The following ROBO2 variants were observed in gnomAD, a reference collection of about 807,000 sequenced individuals.
ROBO2 encodes roundabout guidance receptor 2.
ROBO2 carries 53 observed loss-of-function variants against 160.8 expected under a neutral mutation model. The ratio of observed to expected loss-of-function variants is 0.33; its 90% CI spans 0.26 to 0.41. The LOEUF is 0.41. Ranked by LOEUF, ROBO2 falls within the 10% of genes least tolerant of loss-of-function variation. The pLI is 1.00. For missense variants in ROBO2, 1,577 were observed against 1,722.4 expected (o/e 0.92, Z 1.49); for synonymous variants, 664 against 611.7 (o/e 1.09, Z -1.26).
At chr3:76,545,222 G>A (rs1198519896) in intron 2 of ROBO2, among the ~76,000 whole-genome samples, 1 of 151,910 alleles carries the variant, frequency 6.6e-6, no homozygotes. Context: ...TAAGCAATAC[G>A]TGTACAGTTT....
chr3:77,160,352 G>GT (rs2078376117), intron 2 of ROBO2, among the ~76,000 whole-genome samples: 1 of 151,946 alleles, frequency 6.6e-6, no homozygotes, highest in Admixed American at 6.6e-5. Flanking sequence ...ATTTTATAAA[G>GT]TTTTTTTGGA....
intron 2 of ROBO2, among the ~76,000 whole-genome samples, chr3:77,013,881 C>T (rs2062065386): frequency 1.3e-5 from 2 of 152,178 alleles, no homozygotes; most frequent in Non-Finnish European, 2.9e-5. Flanking sequence ...TGTTAACTTC[C>T]TTTTAGTGAG....
chr3:75,960,006 G>A (rs1948854241), intron 2 of ROBO2, among the ~76,000 whole-genome samples: 1 of 151,792 alleles, frequency 6.6e-6, no homozygotes, highest in African/African-American at 2.4e-5. Flanking sequence ...TTGCAGTAGA[G>A]AAAGAGTTTA....
chr3:76,386,784 C>T (rs913570140), intron 2 of ROBO2, among the ~76,000 whole-genome samples: 7 of 152,048 alleles, frequency 4.6e-5, no homozygotes, highest in Non-Finnish European at 1.0e-4. Flanking sequence ...TTCTCAAATG[C>T]TTTGCAAGTT....
In ROBO2 at chr3:77,602,652, A is replaced by ACCACCACCG. The variant is rs1215725027; in HGVS notation, c.3136+170_3136+178dup. On this transcript the variant is annotated intron_variant, in intron 20 of 25. Coordinates refer to ENST00000461745, the Ensembl canonical transcript of ROBO2. ...TCCAGTAACTTGAGTAATTCCTACC[A>ACCACCACCG]CCACCACCGCCACCACCACCACCAC... 14 of 820,270 alleles carry ACCACCACCG rather than the reference A, an allele frequency of 1.7e-5. 1 individual carries two copies. The highest frequency in any genetic ancestry group is 1.5e-4 in the African/African-American group (9 of 58,494). The allele number at this position is 820,270 out of a possible 1,614,324, so 50.8% of individuals were successfully genotyped here.
intron 1 of ROBO2, among the ~76,000 whole-genome samples, chr3:75,927,027 T>C (rs1468838866): frequency 6.6e-6 from 1 of 152,172 alleles, no homozygotes; most frequent in Non-Finnish European, 1.5e-5. Context: ...CTCTCTCAGA[T>C]AGGATTCTAA....
chr3:76,463,383 C>CAAAGT (rs10662438), intron 2 of ROBO2, among the ~76,000 whole-genome samples: 97,220 of 151,070 alleles, frequency 0.64, 31,753 homozygotes, highest in African/African-American at 0.76. Flanking sequence ...GAAAAAAAAA[C>CAAAGT]AAAATAAAAA....
intron 2 of ROBO2, among the ~76,000 whole-genome samples, chr3:76,987,558 A>T (rs2060449075): frequency 6.6e-6 from 1 of 152,316 alleles, no homozygotes; most frequent in South Asian, 2.1e-4. Context: ...GGGATATTGC[A>T]AAGGACTTTA....
At chr3:76,176,462 TCTACA>T (rs2073235354) in intron 2 of ROBO2, among the ~76,000 whole-genome samples, 1 of 152,182 alleles carries the variant, frequency 6.6e-6, no homozygotes, top group African/African-American at 2.4e-5. Context: ...ATGATAAACT[TCTACA>T]CTAAAGGGAG....
In ROBO2 at chr3:76,929,076, A is replaced by G. The variant is rs530141926; in HGVS notation, c.110-168938A>G. 2.6e-5 allele frequency among the ~76,000 whole-genome samples: 4 copies of G among 152,256 alleles called. No homozygotes were observed. The East Asian group carries it at 5.8e-4, about 22-fold the overall frequency. On this transcript the variant is annotated intron_variant, in intron 2 of 26. Coordinates refer to the ROBO2 transcript ENST00000487694. ...GGAGTTTGAGACCAGCCTGGCCAAC[A>G]TGGTGAAACCCCATCTGTACTAAAA... is the stretch of plus-strand genomic sequence containing the variant.
intron 2 of ROBO2, among the ~76,000 whole-genome samples, chr3:77,119,401 T>C (rs888574206): frequency 6.6e-6 from 1 of 152,232 alleles, no homozygotes; most frequent in Non-Finnish European, 1.5e-5. Flanking sequence ...ATGTGCAGCC[T>C]GTTGTTGTTT....
chr3:76,890,849 T>G (rs181457840), intron 2 of ROBO2, among the ~76,000 whole-genome samples: 11 of 152,272 alleles, frequency 7.2e-5, no homozygotes, highest in Admixed American at 3.3e-4. Flanking sequence ...CTGTTGCACT[T>G]AATATGTTGG....
intron 2 of ROBO2, among the ~76,000 whole-genome samples, chr3:77,282,977 T>G (rs9827861): frequency 0.92 from 138,821 of 150,808 alleles, 64,737 homozygotes; most frequent in East Asian, 1. Context: ...AAAAAAAATA[T>G]TTGCTGATAT....
At chr3:76,983,750 G>T (rs2060222801) in intron 2 of ROBO2, among the ~76,000 whole-genome samples, 1 of 152,136 alleles carries the variant, frequency 6.6e-6, no homozygotes, top group South Asian at 2.1e-4. Flanking sequence ...GTCCAGATAA[G>T]GTACGTCCTC....
intron 2 of ROBO2, among the ~76,000 whole-genome samples, chr3:77,334,722 C>G (rs1419964771): frequency 2.8e-5 from 4 of 141,952 alleles, no homozygotes; most frequent in Non-Finnish European, 4.8e-5. Context: ...AACACAAGCT[C>G]TTTTTCAGGA....
At chr3:75,985,408 A>C (rs1352129123) in intron 2 of ROBO2, among the ~76,000 whole-genome samples, 4 of 151,608 alleles carry the variant, frequency 2.6e-5, no homozygotes, top group African/African-American at 9.7e-5. Flanking sequence ...ACTGTACTGA[A>C]TATTATAGAC....
intron 2 of ROBO2, among the ~76,000 whole-genome samples, chr3:77,374,169 C>CAAAAAAAAAAAAAAAA (rs60357417): frequency 2.5e-5 from 1 of 40,092 alleles, no homozygotes; most frequent in African/African-American, 1.5e-4. Flanking sequence ...GAGACTCCAT[C>CAAAAAAAAAAAAAAAA]AAAAAAAAAA....
At chr3:77,458,411 A>C (rs1488410420) in intron 2 of ROBO2, among the ~76,000 whole-genome samples, 1 of 152,122 alleles carries the variant, frequency 6.6e-6, no homozygotes, top group African/African-American at 2.4e-5. Context: ...GGCTGGCTAG[A>C]AGGTTTGGGT....
intron 2 of ROBO2, among the ~76,000 whole-genome samples, chr3:76,813,012 A>G (rs1352790566): frequency 6.7e-6 from 1 of 150,306 alleles, no homozygotes; most frequent in African/African-American, 2.5e-5. Context: ...AAATAAATAC[A>G]TCTTATTGTT....
Sources: gnomAD v4.1 joint callset for allele counts (sites outside exome capture counted in the v4.1 genomes callset) on GRCh38, gnomAD v4.1.1 for gene constraint, MANE v1.5 for transcripts, NCBI Gene and HGNC (gene_info 2026-07-23, HGNC 2026-07-21) for gene names.